CATSPERT: variants seen among roughly 807,000 people sequenced by gnomAD.
CATSPERT encodes the protein cation channel sperm-associated targeting subunit tau.
At chr2:201,572,876 C>T in the CATSPERT span, among the ~76,000 whole-genome samples, 10 of 152,152 alleles carry the variant, frequency 6.6e-5, no homozygotes, top group Admixed American at 5.9e-4. Flanking sequence ...AAACATATTA[C>T]AGAGATTTCT....
At chr2:201,610,659 C>T in the CATSPERT span, among the ~76,000 whole-genome samples, 2 of 151,932 alleles carry the variant, frequency 1.3e-5, no homozygotes, top group Admixed American at 6.6e-5. Context: ...GATACAACAA[C>T]AAAAAAGAAA....
At chr2:201,611,661 A>T in the CATSPERT span, among the ~76,000 whole-genome samples, 5 of 151,078 alleles carry the variant, frequency 3.3e-5, no homozygotes, top group Admixed American at 3.3e-4. Flanking sequence ...CATTAATGAA[A>T]CTAAGGATTG....
chr2:201,565,132 G>A, the CATSPERT span, among the ~76,000 whole-genome samples: 2 of 151,846 alleles, frequency 1.3e-5, no homozygotes, highest in Non-Finnish European at 2.9e-5. Flanking sequence ...CGAGACCTAC[G>A]AAATACACTG....
At chr2:201,487,766 T>C in the CATSPERT span, 2 of 1,614,170 alleles carry the variant, frequency 1.2e-6, no homozygotes, top group Non-Finnish European at 1.7e-6. Flanking sequence ...CGGAGCAGTA[T>C]ATGGTCTTGC....
the CATSPERT span, among the ~76,000 whole-genome samples, chr2:201,574,568 C>T: frequency 6.6e-6 from 1 of 152,080 alleles, no homozygotes; most frequent in African/African-American, 2.4e-5. Context: ...TACATATATA[C>T]ACGTGATTCA....
chr2:201,559,451 T>C, the CATSPERT span, among the ~76,000 whole-genome samples: 5 of 152,216 alleles, frequency 3.3e-5, no homozygotes, highest in East Asian at 3.8e-4. Context: ...CCCTGGCAGA[T>C]AGGATTCCAG....
chr2:201,492,313 T>A, the CATSPERT span: 1 of 1,536,094 alleles, frequency 6.5e-7, no homozygotes, highest in Non-Finnish European at 8.7e-7. Context: ...CCCTTCTAAT[T>A]GCTTTTTTGT....
At chr2:201,487,552 G>T in the CATSPERT span, 1 of 1,430,710 alleles carries the variant, frequency 7.0e-7, no homozygotes. Flanking sequence ...CTGACTGCTG[G>T]CCTCACATAT....
At chr2:201,536,372 A>C in the CATSPERT span, 1 of 1,518,776 alleles carries the variant, frequency 6.6e-7, no homozygotes, top group Non-Finnish European at 8.8e-7. Context: ...ATTGACTGGA[A>C]AATTTTACAA....
At chr2:201,547,156 G>C in the CATSPERT span, among the ~76,000 whole-genome samples, 1 of 152,094 alleles carries the variant, frequency 6.6e-6, no homozygotes, top group Non-Finnish European at 1.5e-5. Context: ...TTGGCTAAAG[G>C]GTATGGGGTT....
At chr2:201,615,921 A>G in the CATSPERT span, among the ~76,000 whole-genome samples, 4 of 152,244 alleles carry the variant, frequency 2.6e-5, no homozygotes, top group African/African-American at 9.6e-5. Context: ...AGAGAATACT[A>G]TAAACACCTC....
chr2:201,616,735 G>A, the CATSPERT span, among the ~76,000 whole-genome samples: 1 of 152,164 alleles, frequency 6.6e-6, no homozygotes, highest in Non-Finnish European at 1.5e-5. Flanking sequence ...AAGAAATAAA[G>A]GGTATTCAAT....
chr2:201,539,570 T>TTG, the CATSPERT span, among the ~76,000 whole-genome samples: 1 of 121,752 alleles, frequency 8.2e-6, no homozygotes, highest in Non-Finnish European at 1.8e-5. Flanking sequence ...GTTTTTTTTT[T>TTG]GTTTTTGGTT....
At chr2:201,603,376 C>T in the CATSPERT span, 36 of 962,986 alleles carry the variant, frequency 3.7e-5, no homozygotes, top group East Asian at 1.4e-4. Context: ...TAAAACTCCA[C>T]GTTGTTGGTT....
At chr2:201,570,911 T>A in the CATSPERT span, among the ~76,000 whole-genome samples, 10 of 152,216 alleles carry the variant, frequency 6.6e-5, no homozygotes, top group African/African-American at 2.4e-4. Context: ...GGAGCCTTAC[T>A]TGATCATTCT....
the CATSPERT span, among the ~76,000 whole-genome samples, chr2:201,617,080 C>T: frequency 6.6e-6 from 1 of 152,186 alleles, no homozygotes; most frequent in Non-Finnish European, 1.5e-5. Flanking sequence ...AATGGAAAAA[C>T]ATTACATGCT....
At chr2:201,511,372 A>G in the CATSPERT span, among the ~76,000 whole-genome samples, 1 of 152,288 alleles carries the variant, frequency 6.6e-6, no homozygotes, top group South Asian at 2.1e-4. Flanking sequence ...GAAAGAGGTG[A>G]TAGGTAGTAT....
chr2:201,618,890 GCTCA>G, the CATSPERT span: 7 of 1,612,480 alleles, frequency 4.3e-6, no homozygotes, highest in Admixed American at 1.2e-4. Context: ...CCAGGCCCCC[GCTCA>G]CTCACGTTCA....
the CATSPERT span, among the ~76,000 whole-genome samples, chr2:201,489,533 T>C: frequency 1.3e-5 from 2 of 152,212 alleles, no homozygotes; most frequent in Non-Finnish European, 2.9e-5. Flanking sequence ...CTGTATAATA[T>C]ATAGTGTGTA....
Sources: allele counts gnomAD v4.1 joint callset (sites outside exome capture counted in the v4.1 genomes callset), GRCh38; gene constraint gnomAD v4.1.1; transcripts MANE v1.5; gene names NCBI Gene and HGNC (gene_info 2026-07-23, HGNC 2026-07-21).